The following TMEM135 variants were observed in gnomAD, a reference collection of about 807,000 sequenced individuals.
TMEM135 encodes the protein peroxisomal membrane protein 52.
TMEM135 carries 30 observed loss-of-function variants against 60.3 expected under a neutral mutation model. That is an observed-to-expected ratio of 0.50 (90% CI 0.37 to 0.68). The LOEUF is 0.68. TMEM135 is among the 30% of genes least tolerant of loss of function. The pLI is 0.00. For synonymous variants in TMEM135, 190 were observed against 186.7 expected (o/e 1.02, Z -0.14); for missense variants, 468 against 548.8 (o/e 0.85, Z 1.47).
rs1212390077 is a variant in TMEM135, at chr11:87,325,341, G to A, written c.*4008G>A. 3.5e-5 allele frequency: 16 copies of A among 454,006 alleles called. No individual in the cohort carries two copies. The highest frequency in any genetic ancestry group is 7.1e-5 in the Non-Finnish European group (16 of 226,804). The allele number at this position is 454,006 out of a possible 1,614,324, so 28.1% of individuals were successfully genotyped here. A position where few individuals can be genotyped will look rare whatever the true frequency, so the allele number is the denominator to read the frequency against. On this transcript the variant is annotated 3_prime_UTR_variant, in exon 15 of 15. Transcript: ENST00000305494. Reference sequence around the variant, plus strand: ...TAGCTAGTGTCATAGGACTACAGCAGAGTAGTGAGTGAATGGCCTTAAGCT... The same window carrying A: ...TAGCTAGTGTCATAGGACTACAGCAAAGTAGTGAGTGAATGGCCTTAAGCT...
At chr11:87,093,162 G>C (rs1057253173) in intron 4 of TMEM135, among the ~76,000 whole-genome samples, 1 of 151,708 alleles carries the variant, frequency 6.6e-6, no homozygotes, top group African/African-American at 2.4e-5. Flanking sequence ...CTGAATTCTG[G>C]TTATCTTTTC....
At chr11:87,150,801 C>G (rs1321331510) in intron 4 of TMEM135, among the ~76,000 whole-genome samples, 1 of 152,106 alleles carries the variant, frequency 6.6e-6, no homozygotes, top group Non-Finnish European at 1.5e-5. Flanking sequence ...CCGGTCTTGT[C>G]TGACTGCTTG....
At chr11:87,136,880 CCTT>C (rs1240802253) in intron 4 of TMEM135, among the ~76,000 whole-genome samples, 1 of 151,886 alleles carries the variant, frequency 6.6e-6, no homozygotes, top group Non-Finnish European at 1.5e-5. Context: ...GTAATTTGTG[CCTT>C]CTTTCTTCTT....
intron 10 of TMEM135, among the ~76,000 whole-genome samples, chr11:87,312,659 T>G (rs1942660688): frequency 6.6e-6 from 1 of 151,896 alleles, no homozygotes. Context: ...ACACTATAAT[T>G]AGAACTTGAT....
At chr11:87,204,231 T>G (rs1246780950) in intron 5 of TMEM135, among the ~76,000 whole-genome samples, 1 of 152,142 alleles carries the variant, frequency 6.6e-6, no homozygotes, top group African/African-American at 2.4e-5. Flanking sequence ...ATGTAGCCAC[T>G]GTTTGTTGAG....
chr11:87,167,896 C>G (rs973880155), intron 5 of TMEM135, among the ~76,000 whole-genome samples: 16 of 152,254 alleles, frequency 1.1e-4, no homozygotes, highest in African/African-American at 3.6e-4. Flanking sequence ...ACGAGCTCCT[C>G]TTTGTACCTC....
intron 6 of TMEM135, among the ~76,000 whole-genome samples, chr11:87,292,283 A>G (rs937702743): frequency 1.3e-5 from 2 of 152,122 alleles, no homozygotes; most frequent in African/African-American, 2.4e-5. Context: ...TTATCACTAT[A>G]TGACATATTT....
chr11:87,103,379 A>G (rs1857507771), intron 4 of TMEM135, among the ~76,000 whole-genome samples: 1 of 152,096 alleles, frequency 6.6e-6, no homozygotes, highest in Non-Finnish European at 1.5e-5. Context: ...TAGCCACTCT[A>G]ACAGGTGTTA....
At chr11:87,286,581 G>C (rs534568598) in intron 6 of TMEM135, among the ~76,000 whole-genome samples, 1 of 152,210 alleles carries the variant, frequency 6.6e-6, no homozygotes, top group Non-Finnish European at 1.5e-5. Context: ...GGCGGCGCCC[G>C]TCAGAGAGGC....
At chr11:87,207,998 A>G (rs571289715) in intron 5 of TMEM135, among the ~76,000 whole-genome samples, 1 of 152,296 alleles carries the variant, frequency 6.6e-6, no homozygotes, top group Non-Finnish European at 1.5e-5. Flanking sequence ...ATCAATAAAC[A>G]AAGCCATTCA....
intron 6 of TMEM135, among the ~76,000 whole-genome samples, chr11:87,241,496 C>G (rs1002334958): frequency 6.6e-6 from 1 of 152,056 alleles, no homozygotes; most frequent in Non-Finnish European, 1.5e-5. Context: ...TATCATGTCT[C>G]TGTGTTACAA....
chr11:87,215,498 G>A (rs1050011575), intron 5 of TMEM135, among the ~76,000 whole-genome samples: 2 of 152,148 alleles, frequency 1.3e-5, no homozygotes, highest in Admixed American at 6.5e-5. Flanking sequence ...TTGGTCATCG[G>A]CTTCTCTGTC....
intron 1 of TMEM135, among the ~76,000 whole-genome samples, chr11:87,059,536 G>A (rs961015831): frequency 1.1e-4 from 17 of 151,774 alleles, no homozygotes; most frequent in South Asian, 2.1e-4. Context: ...AGCTGGTCTC[G>A]AACTCCTGAC....
intron 6 of TMEM135, among the ~76,000 whole-genome samples, chr11:87,245,781 C>G (rs1430945782): frequency 9.6e-6 from 1 of 104,152 alleles, no homozygotes; most frequent in Non-Finnish European, 2.1e-5. Context: ...GTACAGCACA[C>G]TGATGGGTCT....
intron 4 of TMEM135, among the ~76,000 whole-genome samples, chr11:87,122,319 T>A (rs1937614528): frequency 6.8e-6 from 1 of 147,102 alleles, no homozygotes; most frequent in Non-Finnish European, 1.5e-5. Context: ...GTTTTTTTTT[T>A]TTTTTTTTTG....
At chr11:87,119,820 T>C (rs1256668488) in intron 4 of TMEM135, among the ~76,000 whole-genome samples, 1 of 152,132 alleles carries the variant, frequency 6.6e-6, no homozygotes, top group Admixed American at 6.6e-5. Context: ...AGTGAGCACA[T>C]GCTCTTGGAA....
At chr11:87,161,072 G>A (rs1565466998) in intron 5 of TMEM135, among the ~76,000 whole-genome samples, 1 of 151,962 alleles carries the variant, frequency 6.6e-6, no homozygotes, top group East Asian at 1.9e-4. Flanking sequence ...ACTAATTTTT[G>A]TTTTTTTAGT....
intron 5 of TMEM135, among the ~76,000 whole-genome samples, chr11:87,184,946 C>T (rs995285331): frequency 6.6e-6 from 1 of 152,040 alleles, no homozygotes. Flanking sequence ...GTTAAAATTT[C>T]TTTTTATTTT....
chr11:87,228,204 T>TCTGCTTGTTATAAATGAACA (rs1940807950), intron 5 of TMEM135, among the ~76,000 whole-genome samples: 1 of 152,038 alleles, frequency 6.6e-6, no homozygotes, highest in Non-Finnish European at 1.5e-5. Context: ...AAGAATCAAG[T>TCTGCTTGTTATAAATGAACA]ATTAGGTAGT....
Sources: gnomAD v4.1 joint callset for allele counts (sites outside exome capture counted in the v4.1 genomes callset) on GRCh38, gnomAD v4.1.1 for gene constraint, MANE v1.5 for transcripts, NCBI Gene and HGNC (gene_info 2026-07-23, HGNC 2026-07-21) for gene names.